Variants in EHBP1L1 observed in about 807,000 individuals in gnomAD.
The protein encoded by EHBP1L1 is EH domain binding protein 1 like 1.
In EHBP1L1, 122 loss-of-function variants were observed where a neutral mutation model predicts 151.1. That is an observed-to-expected ratio of 0.81 (90% CI 0.70 to 0.94). The LOEUF is 0.94. Among genes scored for constraint, EHBP1L1 ranks in the 40% least tolerant of loss-of-function variants. The probability of loss-of-function intolerance (pLI) is 0.00; values close to 1 mark genes in which losing one functional copy is unlikely to be tolerated. For synonymous variants in EHBP1L1, 878 were observed against 810.1 expected (o/e 1.08, Z -1.42); for missense variants, 1,941 against 1,959.8 (o/e 0.99, Z 0.18).
intron 14 of EHBP1L1, 44 bp downstream of exon 14, chr11:65,590,035 TA>T: frequency 6.2e-7 from 1 of 1,610,716 alleles, no homozygotes; most frequent in Non-Finnish European, 8.5e-7. Context: ...GAGCACCACC[TA>T]TTCAGGGCCT....
At position 65,576,369 on chromosome 11, in the gene EHBP1L1, T is replaced by C. The variant is rs1319426094; in HGVS notation, c.67T>C (p.Cys23Arg). 2 of 1,596,414 alleles carry C rather than the reference T, an allele frequency of 1.3e-6. No individual in the cohort carries two copies. The highest frequency in any genetic ancestry group is 1.3e-5 in the African/African-American group (1 of 74,764). ...GGCGGCCAAGTTCCAGTTCGTGGCC[T>C]GTTACCACGAGCTAGTGTTGGAGTG... ...KRAAKFQFVA[C>R]YHELVLECTK... The change falls in exon 1 of 19, where the codon TGT becomes CGT. Residue 23 changes from cysteine to arginine, a missense_variant. Physicochemically the swap from Cys to Arg is radical, Grantham distance 180. Transcript: ENST00000309295.
At position 65,576,338 on chromosome 11, in the gene EHBP1L1, C is replaced by T; in HGVS notation, c.36C>T (p.Gly12=). 6.3e-7 allele frequency: 1 copy of T among 1,599,064 alleles called. No individual in the cohort carries two copies. Among genetic ancestry groups the T allele is most frequent in the Non-Finnish European group, 8.5e-7 (1 of 1,173,552 alleles). ...TSVWKRLQRV[G]KRAAKFQFVA... ...TGTGGAAGCGCCTGCAGCGCGTGGG[C>T]AAGCGGGCGGCCAAGTTCCAGTTCG... The change falls in exon 1 of 19, where the codon GGC becomes GGT. Residue 12 remains glycine (G), a synonymous_variant. Transcript: ENST00000309295.
At chr11:65,580,802 C>T in intron 6 of EHBP1L1, 1 of 917,204 alleles carries the variant, frequency 1.1e-6, no homozygotes, top group Non-Finnish European at 1.6e-6. Context: ...CCCTCACCAC[C>T]AGCCCTCCTG....
intron 9 of EHBP1L1, 170 bp downstream of exon 9, chr11:65,583,935 T>C (rs1857787021): frequency 1.4e-6 from 2 of 1,415,894 alleles, no homozygotes; most frequent in South Asian, 1.7e-5. Context: ...CCTGGCTCTC[T>C]TACCCCATCT....
rs750367437 is a variant in EHBP1L1 at position 65,592,316 on chromosome 11, G to C, written c.*14G>C. ...GTGCTGAGCTGAGGCCGCCGGCCCG[G>C]GTGGCCCATAACTTCTCGCGTCCCC... On this transcript the variant is annotated 3_prime_UTR_variant, in exon 19 of 19. Coordinates refer to ENST00000309295, the MANE Select transcript of EHBP1L1 (RefSeq NM_001099409.3). 58 of 1,460,462 alleles carry C rather than the reference G, an allele frequency of 4.0e-5. 1 individual carries two copies. In the South Asian group the frequency reaches 7.3e-4, roughly 18 times the overall value. The allele number at this position is 1,460,462 out of a possible 1,614,324, so 90.5% of individuals were successfully genotyped here. A position where few individuals can be genotyped will look rare whatever the true frequency, so the allele number is the denominator to read the frequency against.
In EHBP1L1 at chr11:65,576,086, A is replaced by T. The variant is rs988793405; in HGVS notation, c.-217A>T. ...GCGCGCTCCCAGCTCCGCGCTCGCC[A>T]CCCGACGCGCCCCAGGCGACCCCGC... On this transcript the variant is annotated 5_prime_UTR_variant, in exon 1 of 19. Coordinates refer to ENST00000309295, the MANE Select transcript of EHBP1L1 (RefSeq NM_001099409.3). The T allele has an allele frequency of 1.5e-5, 5 of 324,456 alleles. No homozygotes were observed. The East Asian group carries it at 2.4e-4, about 16-fold the overall frequency. The allele number at this position is 324,456 out of a possible 1,614,324, so 20.1% of individuals were successfully genotyped here. A position where few individuals can be genotyped will look rare whatever the true frequency, so the allele number is the denominator to read the frequency against.
At chr11:65,589,889 G>C in intron 13 of EHBP1L1, 47 bp from the exon 14 acceptor site, 1 of 1,533,612 alleles carries the variant, frequency 6.5e-7, no homozygotes, top group South Asian at 1.2e-5. Flanking sequence ...GACTTCCTGG[G>C]GGTGGGTGGT....
Position 65,581,267 on chromosome 11 carries a change from C to A in EHBP1L1, c.760C>A (p.Pro254Thr), listed in dbSNP as rs769519839. The change falls in exon 8 of 19, where the codon CCC becomes ACC. Residue 254 changes from proline to threonine, a missense_variant. Transcript: ENST00000309295. ...TSPAPVSAPAPPARTSRGQGS... is the reference protein window; with the variant it reads ...TSPAPVSAPATPARTSRGQGS... ...CCCAGCCCCTGTGAGTGCTCCTGCA[C>A]CCCCAGCCAGAACCTCCCGAGGCCA... 4 of 1,611,704 alleles carry A rather than the reference C, an allele frequency of 2.5e-6. No homozygotes were observed. The African/African-American group carries it at 4.0e-5, about 16-fold the overall frequency.
chr11:65,584,564 G>GA, intron 11 of EHBP1L1, 30 bp downstream of exon 11: 1 of 1,604,088 alleles, frequency 6.2e-7, no homozygotes, highest in Admixed American at 1.7e-5. Context: ...TGCCTGGAGG[G>GA]AAGGAGGGTC....
At position 65,582,613 on chromosome 11, in the gene EHBP1L1, G is replaced by A; in HGVS notation, c.1941G>A (p.Glu647=). Residue 647 remains glutamate (E), a synonymous_variant, in exon 9 of 19, where the codon GAG becomes GAA. Coordinates refer to ENST00000309295, the MANE Select transcript of EHBP1L1 (RefSeq NM_001099409.3). ...EVGVIETPGT[E]TEVLGTQKTE... ...GGGTCATAGAGACCCCAGGGACAGA[G>A]ACTGAGGTATTGGGGACCCAGAAAA... 2 of 1,613,192 alleles carry A rather than the reference G, an allele frequency of 1.2e-6. No individual in the cohort carries two copies. The highest frequency in any genetic ancestry group is 1.7e-6 in the Non-Finnish European group (2 of 1,179,748).
intron 11 of EHBP1L1, 63 bp downstream of exon 11, chr11:65,584,597 C>A: frequency 6.4e-7 from 1 of 1,572,262 alleles, no homozygotes; most frequent in Middle Eastern, 1.7e-4. Flanking sequence ...CTCTCAGTGT[C>A]AGATTTGGAG....
In EHBP1L1 at chr11:65,581,627, C is replaced by G; in HGVS notation, c.955C>G (p.Gln319Glu). Residue 319 changes from glutamine to glutamate, a missense_variant, in exon 9 of 19, where the codon CAG (glutamine) becomes GAG (glutamate). Physicochemically the swap from Gln to Glu is conservative, Grantham distance 29 (BLOSUM62 2). Transcript: ENST00000309295. ...GSDALRPPVP[Q>E]GEDEVPKASG... ...TGATGCCCTCCGGCCCCCAGTCCCC[C>G]AGGGGGAAGATGAGGTCCCCAAAGC... is the stretch of plus-strand genomic sequence containing the variant. 2 of 1,548,474 alleles carry G rather than the reference C, an allele frequency of 1.3e-6. No homozygotes were observed. The highest frequency in any genetic ancestry group is 1.7e-6 in the Non-Finnish European group (2 of 1,146,138).
At chr11:65,584,668 G>A (rs1278797749) in intron 11 of EHBP1L1, 134 bp downstream of exon 11, 2 of 1,217,194 alleles carry the variant, frequency 1.6e-6, no homozygotes, top group African/African-American at 3.1e-5. Context: ...TACCCCTTTG[G>A]TCATTAAATT....
rs749486840 is a variant in EHBP1L1, at chr11:65,583,306, G to A, written c.2634G>A (p.Lys878=). 6.2e-7 allele frequency: 1 copy of A among 1,613,734 alleles called. No individual in the cohort carries two copies. Among genetic ancestry groups the A allele is most frequent in the East Asian group, 2.2e-5 (1 of 44,888 alleles). The stretch of plus-strand genomic sequence containing the variant: ...AAATTATAGTTCCAGAGGCTGAGAA[G>A]GAAGAGGCTCAGACTTCGGGGGTCC... The part of the protein sequence containing the change: ...KTEIIVPEAE[K]EEAQTSGVQE... Residue 878 remains lysine, a synonymous_variant, in exon 9 of 19, where the codon AAG becomes AAA. Transcript: ENST00000309295.
At position 65,583,333 on chromosome 11, in the gene EHBP1L1, G is replaced by C; in HGVS notation, c.2661G>C (p.Gln887His). 1 of 1,613,756 alleles carries C rather than the reference G, an allele frequency of 6.2e-7. No individual in the cohort carries two copies. Among genetic ancestry groups the C allele is most frequent in the Non-Finnish European group, 8.5e-7 (1 of 1,179,822 alleles). The change falls in exon 9 of 19, where the codon CAG (glutamine) becomes CAC (histidine). Residue 887 changes from glutamine (Q) to histidine (H), a missense_variant. Transcript: ENST00000309295. The stretch of plus-strand genomic sequence containing the variant: ...AAGAGGCTCAGACTTCGGGGGTCCA[G>C]GAAGCAGAGACTAGAGTTGGGAGTG... Reference protein sequence around the residue: ...EKEEAQTSGVQEAETRVGSAL... With the variant: ...EKEEAQTSGVHEAETRVGSAL...
rs1371783186 is a variant in EHBP1L1, at chr11:65,585,610, C to T, written c.3933+19C>T. On this transcript the variant is annotated intron_variant, in intron 12 of 18. Coordinates refer to ENST00000309295, the MANE Select transcript of EHBP1L1 (RefSeq NM_001099409.3). This position sits in a 1 kb window ranked among gnomAD's most constrained non-coding sequence, Gnocchi z 4.0. ...GGCTGCAGTGAGTGTCAAGGTCCTT[C>T]TTTCTTCCCCCGCCGCAGCGCGGGG... 30 of 1,553,440 alleles carry T rather than the reference C, an allele frequency of 1.9e-5. No homozygotes were observed. The highest frequency in any genetic ancestry group is 1.9e-5 in the Non-Finnish European group (22 of 1,156,752).
chr11:65,586,926 A>T (rs1328065780), intron 12 of EHBP1L1, among the ~76,000 whole-genome samples: 1 of 152,196 alleles, frequency 6.6e-6, no homozygotes, highest in African/African-American at 2.4e-5. Flanking sequence ...CACAGGAGAT[A>T]TCTGACCCAT....
At chr11:65,586,787 T>G (rs565788486) in intron 12 of EHBP1L1, among the ~76,000 whole-genome samples, 32 of 152,356 alleles carry the variant, frequency 2.1e-4, no homozygotes, top group African/African-American at 7.5e-4. Flanking sequence ...CAAGGCCAGC[T>G]TTGGCCCATC....
chr11:65,582,415 G>T lies in EHBP1L1; in HGVS notation c.1743G>T (p.Val581=), dbSNP rs1259915728. Residue 581 remains valine (V), a synonymous_variant, in exon 9 of 19, where the codon GTG becomes GTT. Coordinates refer to ENST00000309295, the MANE Select transcript of EHBP1L1 (RefSeq NM_001099409.3). Reference sequence around the variant, plus strand: ...AGACTGAGGTGGTAGGGTTGGAGGTGCTGGGAACCCAGGAGAAAGAAGTTG... The same window carrying T: ...AGACTGAGGTGGTAGGGTTGGAGGTTCTGGGAACCCAGGAGAAAGAAGTTG... ...ETETEVVGLE[V]LGTQEKEVEG... 3 of 1,609,754 alleles carry T rather than the reference G, an allele frequency of 1.9e-6. No individual in the cohort carries two copies. The highest frequency in any genetic ancestry group is 2.7e-5 in the African/African-American group (2 of 74,522).
Sources: allele counts gnomAD v4.1 joint callset (sites outside exome capture counted in the v4.1 genomes callset), GRCh38; gene constraint gnomAD v4.1.1; non-coding constraint Gnocchi (gnomAD v3.1); transcripts MANE v1.5; gene names NCBI Gene and HGNC (gene_info 2026-07-23, HGNC 2026-07-21).